The following OSBPL1A variants were observed in gnomAD, a reference collection of about 807,000 sequenced individuals.
OSBPL1A encodes oxysterol binding protein like 1A.
OSBPL1A carries 80 observed loss-of-function variants against 137.1 expected under a neutral mutation model. The ratio of observed to expected loss-of-function variants is 0.58; its 90% CI spans 0.49 to 0.70. The LOEUF is 0.70. Among genes scored for constraint, OSBPL1A ranks in the 30% least tolerant of loss-of-function variants. The pLI, the probability that OSBPL1A is intolerant of heterozygous loss-of-function variation, is 0.00. For missense variants in OSBPL1A, 970 were observed against 1,129.4 expected, an observed-to-expected ratio of 0.86 and a Z score of 2.02; for synonymous variants, 365 against 389.7, an observed-to-expected ratio of 0.94 and a Z score of 0.75.
intron 18 of OSBPL1A, among the ~76,000 whole-genome samples, chr18:24,193,495 A>G (rs923394441): frequency 6.6e-6 from 1 of 151,990 alleles, no homozygotes; most frequent in African/African-American, 2.4e-5. Flanking sequence ...CTCAAAAAAA[A>G]AAAAAAAAAG....
At chr18:24,170,202 G>T in intron 24 of OSBPL1A, 125 bp downstream of exon 24, 1 of 1,097,526 alleles carries the variant, frequency 9.1e-7, no homozygotes, top group Non-Finnish European at 1.3e-6. Flanking sequence ...AGAGAAAAGT[G>T]ACATGCATTA....
intron 2 of OSBPL1A, among the ~76,000 whole-genome samples, chr18:24,370,760 T>TGG (rs1905560632): frequency 6.6e-6 from 1 of 152,176 alleles, no homozygotes; most frequent in Non-Finnish European, 1.5e-5. Context: ...CTTTACCTCC[T>TGG]GGGCTCAAGC....
At chr18:24,165,191 C>T (rs750630525) in intron 26 of OSBPL1A, 36 bp from the exon 27 acceptor site, 2 of 1,549,466 alleles carry the variant, frequency 1.3e-6, no homozygotes, top group Non-Finnish European at 1.8e-6. Context: ...CATTAACACT[C>T]TACACAGAGG....
At chr18:24,332,899 T>C (rs2091107706) in intron 7 of OSBPL1A, 43 bp downstream of exon 7, 1 of 1,601,364 alleles carries the variant, frequency 6.2e-7, no homozygotes, top group African/African-American at 1.3e-5. Flanking sequence ...CTTCATTTTA[T>C]AATTTCAAAA....
intron 1 of OSBPL1A, among the ~76,000 whole-genome samples, chr18:24,390,397 G>T (rs1324545898): frequency 6.6e-6 from 1 of 152,140 alleles, no homozygotes; most frequent in Non-Finnish European, 1.5e-5. Context: ...ATATAATTTA[G>T]CCTTTAAAAG....
At chr18:24,339,569 T>TAA (rs1162778422) in intron 5 of OSBPL1A, among the ~76,000 whole-genome samples, 1 of 152,186 alleles carries the variant, frequency 6.6e-6, no homozygotes, top group Non-Finnish European at 1.5e-5. Flanking sequence ...TTGCCCTTAT[T>TAA]AAATGTCAAC....
rs114272142 is a variant in OSBPL1A, at chr18:24,379,913, A to G, written c.-2-2378T>C. Among the ~76,000 whole-genome samples the G allele has an allele frequency of 6.7e-3, 1,020 of 152,298 alleles. 10 individuals carry two copies. The highest frequency in any genetic ancestry group is 0.023 in the African/African-American group (971 of 41,560). On this transcript the variant is annotated intron_variant, in intron 1 of 27. Coordinates refer to ENST00000319481, the MANE Select transcript of OSBPL1A (RefSeq NM_080597.4). ...GAAGTCTTACAGCATTGAAAGGCCT[A>G]ATGAGAGCCCAACAATTCTGGAAGA...
At chr18:24,343,727 T>G (rs1460172849) in intron 4 of OSBPL1A, among the ~76,000 whole-genome samples, 5 of 152,122 alleles carry the variant, frequency 3.3e-5, no homozygotes, top group African/African-American at 1.2e-4. Flanking sequence ...GAAAAGACAG[T>G]CTTTTCAAAA....
intron 7 of OSBPL1A, among the ~76,000 whole-genome samples, chr18:24,332,239 A>C (rs2588587): frequency 0.43 from 65,731 of 151,248 alleles, 16,092 homozygotes; most frequent in African/African-American, 0.67. Flanking sequence ...TCAGCCAGGC[A>C]TGGTACACTA....
At chr18:24,360,780 T>C (rs1409647422) in intron 4 of OSBPL1A, among the ~76,000 whole-genome samples, 1 of 152,156 alleles carries the variant, frequency 6.6e-6, no homozygotes, top group African/African-American at 2.4e-5. Context: ...AACAGGCATG[T>C]CTGAACTGTC....
intron 14 of OSBPL1A, chr18:24,302,816 A>G (rs1054028687): frequency 6.6e-6 from 1 of 152,240 alleles, no homozygotes; most frequent in Non-Finnish European, 1.5e-5. Context: ...TTAGCTAGAC[A>G]AGATCATATA....
At position 24,241,323 on chromosome 18, in the gene OSBPL1A, C is replaced by T. The variant is rs1471051610; in HGVS notation, c.1282-1941G>A. ...CTTCTGCACAGCAAAAGAAACTTACCGTCAGAGTGAAGAGGCAACCTACAG... is the reference window on the plus strand; with the variant it reads ...CTTCTGCACAGCAAAAGAAACTTACTGTCAGAGTGAAGAGGCAACCTACAG... On this transcript the variant is annotated intron_variant, in intron 15 of 27. Coordinates refer to ENST00000319481, the MANE Select transcript of OSBPL1A (RefSeq NM_080597.4). Among the ~76,000 whole-genome samples, 6 of 152,240 alleles carry T rather than the reference C, an allele frequency of 3.9e-5. No individual in the cohort carries two copies. In the East Asian group the frequency reaches 7.7e-4, roughly 20 times the overall value.
rs111553431 is a variant in OSBPL1A, at chr18:24,333,154, G to A, written c.481-68C>T. The A allele has an allele frequency of 1.7e-5, 26 of 1,546,236 alleles. No homozygotes were observed. The African/African-American group carries it at 2.2e-4, about 13-fold the overall frequency. On this transcript the variant is annotated intron_variant, in intron 6 of 27. Coordinates refer to ENST00000319481, the MANE Select transcript of OSBPL1A (RefSeq NM_080597.4). ...TAGACTTTCCTCTCATAATTCACAG[G>A]AGGGTGTATCAGCAGAGCCCGAAGA...
chr18:24,235,589 C>T (rs938127915), intron 16 of OSBPL1A, among the ~76,000 whole-genome samples: 1 of 152,278 alleles, frequency 6.6e-6, no homozygotes, highest in African/African-American at 2.4e-5. Flanking sequence ...TAGTTTCTGG[C>T]TTTAGGAGAT....
intron 15 of OSBPL1A, among the ~76,000 whole-genome samples, chr18:24,268,028 T>C (rs111330913): frequency 1.6e-3 from 251 of 152,294 alleles, no homozygotes; most frequent in African/African-American, 5.9e-3. Context: ...AAAGTCTATC[T>C]TCATCATTTG....
chr18:24,298,285 CTCTG>C (rs1168422942), intron 14 of OSBPL1A, among the ~76,000 whole-genome samples: 11 of 152,172 alleles, frequency 7.2e-5, no homozygotes, highest in African/African-American at 2.2e-4. Context: ...CTCAGGGCTG[CTCTG>C]TCTATGGAGT....
In OSBPL1A at chr18:24,196,201, C is replaced by G. The variant is rs1345895127; in HGVS notation, c.1602-1G>C. The G allele has an allele frequency of 6.2e-7, 1 of 1,603,318 alleles. No individual in the cohort carries two copies. Among genetic ancestry groups the G allele is most frequent in the African/African-American group, 1.3e-5 (1 of 74,554 alleles). On this transcript the variant is annotated splice_acceptor_variant, in intron 17 of 27. Coordinates refer to ENST00000319481, the MANE Select transcript of OSBPL1A (RefSeq NM_080597.4). LOFTEE classifies it high-confidence loss of function. ...AAACATAGGAGAAGGCAAACTTGTT[C>G]TGAAAAAAGAAAAGAAAAACATAAA...
At chr18:24,207,859 C>A (rs1438051459) in intron 17 of OSBPL1A, among the ~76,000 whole-genome samples, 1 of 152,202 alleles carries the variant, frequency 6.6e-6, no homozygotes, top group Non-Finnish European at 1.5e-5. Flanking sequence ...GATTCTCATG[C>A]CTCAGCCTCC....
intron 15 of OSBPL1A, among the ~76,000 whole-genome samples, chr18:24,269,848 C>T: frequency 2.0e-5 from 1 of 49,176 alleles, no homozygotes; most frequent in African/African-American, 1.0e-4. Context: ...GCATGACAAG[C>T]CTAACACACA....
Sources: gnomAD v4.1 joint callset for allele counts (sites outside exome capture counted in the v4.1 genomes callset) on GRCh38, gnomAD v4.1.1 for gene constraint, MANE v1.5 for transcripts, NCBI Gene and HGNC (gene_info 2026-07-23, HGNC 2026-07-21) for gene names.